ROR1: variants seen among roughly 807,000 people sequenced by gnomAD.
ROR1 encodes the protein inactive tyrosine-protein kinase transmembrane receptor ROR1.
A neutral mutation model predicts 78.8 loss-of-function variants in ROR1; 19 were observed. The ratio of observed to expected loss-of-function variants is 0.24; its 90% CI spans 0.17 to 0.35. ROR1 has a LOEUF of 0.35. Ranked by LOEUF, ROR1 falls within the 10% of genes least tolerant of loss-of-function variation. ROR1 has a pLI of 1.00. For missense variants in ROR1, 917 were observed against 1,177.8 expected (o/e 0.78, Z 3.24); for synonymous variants, 386 against 433.6 (o/e 0.89, Z 1.36).
intron 8 of ROR1, among the ~76,000 whole-genome samples, chr1:64,172,062 C>T (rs544925071): frequency 6.6e-6 from 1 of 152,254 alleles, no homozygotes; most frequent in South Asian, 2.1e-4. Flanking sequence ...CCATCTACAG[C>T]CACCAAGGTA....
intron 4 of ROR1, among the ~76,000 whole-genome samples, chr1:64,067,735 C>G (rs1276152455): frequency 1.0e-5 from 1 of 98,876 alleles, no homozygotes; most frequent in Admixed American, 1.1e-4. Flanking sequence ...TTTTTTGAGA[C>G]GGAGTCTCGC....
intron 1 of ROR1, among the ~76,000 whole-genome samples, chr1:63,922,799 C>T (rs1645668121): frequency 6.6e-6 from 1 of 152,122 alleles, no homozygotes; most frequent in African/African-American, 2.4e-5. Flanking sequence ...GGTTAAGAGA[C>T]TTATACACAG....
intron 2 of ROR1, among the ~76,000 whole-genome samples, chr1:64,040,042 G>A (rs921564291): frequency 1.3e-5 from 2 of 152,084 alleles, no homozygotes; most frequent in African/African-American, 4.8e-5. Flanking sequence ...ATTATTATTT[G>A]GTTTGGTTTT....
chr1:64,027,033 A>G (rs1646617777), intron 2 of ROR1, among the ~76,000 whole-genome samples: 1 of 152,260 alleles, frequency 6.6e-6, no homozygotes, highest in African/African-American at 2.4e-5. Flanking sequence ...ATGTGTCCTC[A>G]TTAGTTCCAG....
intron 4 of ROR1, among the ~76,000 whole-genome samples, chr1:64,110,175 G>A (rs572230376): frequency 6.6e-6 from 1 of 152,260 alleles, no homozygotes; most frequent in African/African-American, 2.4e-5. Flanking sequence ...AGAATCAGTG[G>A]ATAAATCCTT....
rs1231463046 is a variant in ROR1 at position 64,177,455 on chromosome 1, G to T, written c.1414G>T (p.Ala472Ser). The T allele has an allele frequency of 2.5e-6, 4 of 1,614,068 alleles. No individual in the cohort carries two copies. Among genetic ancestry groups the T allele is most frequent in the Admixed American group, 1.7e-5 (1 of 60,012 alleles). The change falls in exon 9 of 9, where the codon GCT becomes TCT. Residue 472 changes from alanine to serine, a missense_variant. Around this residue, in one of 3 missense-constraint regions of ROR1, gnomAD observed 835 missense variants for 1,069.8 expected, o/e 0.78. Transcript: ENST00000371079. ...KSKAKELPLS[A>S]VRFMEELGEC... ...CAAGGCTAAAGAGCTACCTCTTTCT[G>T]CTGTACGCTTTATGGAAGAATTGGG... is the stretch of plus-strand genomic sequence containing the variant.
chr1:63,973,202 G>T (rs530687452), intron 1 of ROR1, among the ~76,000 whole-genome samples: 33 of 152,156 alleles, frequency 2.2e-4, no homozygotes, highest in African/African-American at 7.2e-4. Flanking sequence ...TGTCTCCTTC[G>T]CAGAGATCCT....
chr1:64,165,939 C>T (rs1387322711), intron 8 of ROR1, among the ~76,000 whole-genome samples: 1 of 152,126 alleles, frequency 6.6e-6, no homozygotes, highest in East Asian at 1.9e-4. Flanking sequence ...CTCCTGGCCT[C>T]AAGTGATTCA....
At chr1:63,780,184 AAG>A (rs1230866637) in intron 1 of ROR1, among the ~76,000 whole-genome samples, 1 of 148,394 alleles carries the variant, frequency 6.7e-6, no homozygotes, top group Non-Finnish European at 1.5e-5. Context: ...TTTTTTTTTT[AAG>A]AGAGAGAGGG....
chr1:63,860,722 T>C (rs1461617729), intron 1 of ROR1, among the ~76,000 whole-genome samples: 1 of 137,412 alleles, frequency 7.3e-6, no homozygotes, highest in Non-Finnish European at 1.5e-5. Context: ...TGAGCAGAGA[T>C]CGCACCACTG....
intron 1 of ROR1, among the ~76,000 whole-genome samples, chr1:63,946,742 C>T (rs1214944197): frequency 2.6e-5 from 4 of 152,150 alleles, no homozygotes; most frequent in Admixed American, 6.5e-5. Flanking sequence ...CATCCAGGCT[C>T]TGTATATCTG....
At chr1:64,092,693 G>C (rs529949235) in intron 4 of ROR1, among the ~76,000 whole-genome samples, 1 of 152,260 alleles carries the variant, frequency 6.6e-6, no homozygotes, top group Admixed American at 6.5e-5. Context: ...TACCAGACTG[G>C]ATTATCTTTA....
chr1:63,838,469 T>C (rs1645031708), intron 1 of ROR1, among the ~76,000 whole-genome samples: 1 of 152,110 alleles, frequency 6.6e-6, no homozygotes, highest in Admixed American at 6.5e-5. Context: ...TGTGTGTGTT[T>C]GTGTCTTAAT....
intron 4 of ROR1, among the ~76,000 whole-genome samples, chr1:64,076,386 A>G (rs1473600766): frequency 6.6e-6 from 1 of 152,146 alleles, no homozygotes; most frequent in Non-Finnish European, 1.5e-5. Context: ...AATCTTTATG[A>G]TCTGCACCTT....
intron 7 of ROR1, among the ~76,000 whole-genome samples, chr1:64,144,747 A>G (rs1401936647): frequency 6.6e-6 from 1 of 152,190 alleles, no homozygotes. Flanking sequence ...GGCTCTTTCC[A>G]CTAAGCATAC....
chr1:64,050,573 A>G, intron 3 of ROR1, 113 bp from the exon 4 acceptor site: 1 of 1,003,404 alleles, frequency 1.0e-6, no homozygotes. Context: ...AGAAAAATAA[A>G]TACTACCTCT....
chr1:63,855,176 G>C (rs1645140596), intron 1 of ROR1, among the ~76,000 whole-genome samples: 1 of 152,038 alleles, frequency 6.6e-6, no homozygotes, highest in Non-Finnish European at 1.5e-5. Flanking sequence ...TTCTTAACCT[G>C]ACCTCCCAAC....
intron 4 of ROR1, among the ~76,000 whole-genome samples, chr1:64,125,321 T>G (rs1039001412): frequency 6.6e-5 from 10 of 152,192 alleles, no homozygotes; most frequent in Non-Finnish European, 1.3e-4. Context: ...AGATGTATTT[T>G]GTGCAGTATC....
At chr1:63,965,436 A>G (rs1440843786) in intron 1 of ROR1, among the ~76,000 whole-genome samples, 1 of 152,194 alleles carries the variant, frequency 6.6e-6, no homozygotes, top group South Asian at 2.1e-4. Context: ...GTGTTTCTGC[A>G]TTTAACATCT....
Sources: allele counts gnomAD v4.1 joint callset (sites outside exome capture counted in the v4.1 genomes callset), GRCh38; gene constraint gnomAD v4.1.1; regional missense constraint gnomAD v4.1.1; transcripts MANE v1.5; gene names NCBI Gene and HGNC (gene_info 2026-07-23, HGNC 2026-07-21).